The following CSMD1 variants were observed in gnomAD, a reference collection of about 807,000 sequenced individuals.
CSMD1 encodes the protein CUB and sushi domain-containing protein 1.
In CSMD1, 213 loss-of-function variants were observed where a neutral mutation model predicts 417.5. That is an observed-to-expected ratio of 0.51 (90% CI 0.46 to 0.57). The LOEUF (loss-of-function observed/expected upper bound fraction) is 0.57. Among genes scored for constraint, CSMD1 ranks in the 20% least tolerant of loss-of-function variants. The probability of loss-of-function intolerance (pLI) is 0.00; values close to 1 mark genes in which losing one functional copy is unlikely to be tolerated. For synonymous variants in CSMD1, 2,862 were observed against 1,736.8 expected (o/e 1.65, Z -16.11); for missense variants, 6,923 against 4,529.7 (o/e 1.53, Z -15.17).
chr8:4,854,024 A>G (rs1801641796), intron 1 of CSMD1, among the ~76,000 whole-genome samples: 1 of 152,122 alleles, frequency 6.6e-6, no homozygotes, highest in South Asian at 2.1e-4. Context: ...GTATCTTGGA[A>G]GTATGCAACT....
intron 42 of CSMD1, among the ~76,000 whole-genome samples, chr8:3,113,624 T>A (rs1235992006): frequency 1.3e-5 from 2 of 152,204 alleles, no homozygotes; most frequent in Non-Finnish European, 2.9e-5. Flanking sequence ...TCTCTATCAT[T>A]GCCTCAAATA....
intron 1 of CSMD1, among the ~76,000 whole-genome samples, chr8:4,809,916 C>T (rs939897357): frequency 6.6e-6 from 1 of 152,204 alleles, no homozygotes; most frequent in Non-Finnish European, 1.5e-5. Context: ...CGGCCACTTA[C>T]CAAGTATATT....
intron 23 of CSMD1, among the ~76,000 whole-genome samples, chr8:3,321,797 G>C (rs1806171345): frequency 6.6e-6 from 1 of 152,268 alleles, no homozygotes; most frequent in South Asian, 2.1e-4. Context: ...AAATAAGTGA[G>C]CTGATTTTCA....
At chr8:3,833,625 G>C (rs989453013) in intron 5 of CSMD1, among the ~76,000 whole-genome samples, 2 of 151,864 alleles carry the variant, frequency 1.3e-5, no homozygotes, top group African/African-American at 2.4e-5. Flanking sequence ...TAAAACACAT[G>C]GAAGTGTCTC....
In CSMD1 at chr8:4,105,315, C is replaced by G. The variant is rs114014110; in HGVS notation, c.416-73216G>C. Among the ~76,000 whole-genome samples the G allele has an allele frequency of 5.4e-3, 802 of 149,166 alleles. 8 individuals are homozygous for G. Among genetic ancestry groups the G allele is most frequent in the African/African-American group, 0.017 (708 of 40,518 alleles). Reference sequence around the variant, plus strand: ...AACTTCATTTCATTGCTTTAGTGATCTTAATCTTGTAACACTTCTGAATTT... The same window carrying G: ...AACTTCATTTCATTGCTTTAGTGATGTTAATCTTGTAACACTTCTGAATTT... On this transcript the variant is annotated intron_variant, in intron 3 of 69. Coordinates refer to ENST00000635120, the MANE Select transcript of CSMD1 (RefSeq NM_033225.6).
Position 4,353,730 on chromosome 8 carries a change from T to C in CSMD1, c.415+66223A>G, listed in dbSNP as rs138238978. ...TCTTCTTTGTGAACCACAGTTTTTG[T>C]TGGGGTTCATGGAGATTTCTTTTTT... On this transcript the variant is annotated intron_variant, in intron 3 of 69. Transcript: ENST00000635120. Among the ~76,000 whole-genome samples the C allele has an allele frequency of 1.8e-3, 268 of 148,036 alleles. 3 individuals carry two copies. In the Middle Eastern group the frequency reaches 0.024, roughly 13 times the overall value.
At chr8:4,839,962 T>C (rs1260138437) in intron 1 of CSMD1, among the ~76,000 whole-genome samples, 2 of 152,140 alleles carry the variant, frequency 1.3e-5, no homozygotes, top group Non-Finnish European at 2.9e-5. Flanking sequence ...AAGTCTTCAG[T>C]GTTTGCAAGT....
chr8:3,115,514 CT>C (rs1816814963), intron 42 of CSMD1, among the ~76,000 whole-genome samples: 3 of 152,028 alleles, frequency 2.0e-5, no homozygotes, highest in Non-Finnish European at 4.4e-5. Flanking sequence ...AAACCCCCAC[CT>C]TTTTTTAATT....
intron 3 of CSMD1, among the ~76,000 whole-genome samples, chr8:4,367,192 C>G (rs73175759): frequency 0.02 from 3,036 of 152,194 alleles, 49 homozygotes; most frequent in Admixed American, 0.027. Context: ...TGCATTGAAT[C>G]CTTTAATCCA....
intron 3 of CSMD1, among the ~76,000 whole-genome samples, chr8:4,322,227 G>A (rs751413799): frequency 9.9e-5 from 15 of 152,090 alleles, no homozygotes; most frequent in South Asian, 2.1e-4. Context: ...TAATTCACAT[G>A]TAATTTTATT....
At chr8:3,384,720 A>AACAT (rs1563333066) in intron 18 of CSMD1, among the ~76,000 whole-genome samples, 1 of 118,286 alleles carries the variant, frequency 8.5e-6, no homozygotes, top group Non-Finnish European at 1.6e-5. Flanking sequence ...ATATATTTAT[A>AACAT]ATATTTATAT....
intron 2 of CSMD1, among the ~76,000 whole-genome samples, chr8:4,477,056 CTTGCAG>C (rs910420406): frequency 4.6e-5 from 7 of 152,212 alleles, no homozygotes; most frequent in African/African-American, 1.7e-4. Flanking sequence ...GGACCCCAGC[CTTGCAG>C]CTGTGTCAGG....
chr8:3,431,804 G>A (rs553074113), intron 12 of CSMD1, among the ~76,000 whole-genome samples: 3 of 152,200 alleles, frequency 2.0e-5, no homozygotes, highest in African/African-American at 4.8e-5. Context: ...CATAACATTG[G>A]AGAAAACAAA....
chr8:4,112,298 G>T (rs556435300), intron 3 of CSMD1, among the ~76,000 whole-genome samples: 1 of 152,120 alleles, frequency 6.6e-6, no homozygotes, highest in Non-Finnish European at 1.5e-5. Context: ...GCCTGCTCCC[G>T]CACATTTACA....
chr8:4,158,729 C>G (rs566306895), intron 3 of CSMD1, among the ~76,000 whole-genome samples: 21 of 152,158 alleles, frequency 1.4e-4, no homozygotes, highest in Admixed American at 1.1e-3. Context: ...TATCACAACC[C>G]CATGAGAACC....
intron 1 of CSMD1, among the ~76,000 whole-genome samples, chr8:4,912,757 A>T (rs572961486): frequency 6.6e-6 from 1 of 151,440 alleles, no homozygotes; most frequent in South Asian, 2.1e-4. Flanking sequence ...TTGGAGGCCA[A>T]ATGACATAAA....
At chr8:3,922,296 A>C (rs1227562753) in intron 5 of CSMD1, among the ~76,000 whole-genome samples, 1 of 152,068 alleles carries the variant, frequency 6.6e-6, no homozygotes, top group East Asian at 1.9e-4. Context: ...CCTTTTAAAA[A>C]GCATATAGTT....
At chr8:4,098,316 T>C (rs987225831) in intron 3 of CSMD1, among the ~76,000 whole-genome samples, 1 of 152,292 alleles carries the variant, frequency 6.6e-6, no homozygotes, top group African/African-American at 2.4e-5. Flanking sequence ...CTTCATAAAG[T>C]ATCACACTGA....
intron 27 of CSMD1, among the ~76,000 whole-genome samples, chr8:3,226,046 G>C (rs1798482808): frequency 6.6e-6 from 1 of 152,090 alleles, no homozygotes; most frequent in South Asian, 2.1e-4. Context: ...GTTTGAAGCT[G>C]GTCTTTAACG....
Sources: allele counts gnomAD v4.1 joint callset (sites outside exome capture counted in the v4.1 genomes callset), GRCh38; gene constraint gnomAD v4.1.1; transcripts MANE v1.5; gene names NCBI Gene and HGNC (gene_info 2026-07-23, HGNC 2026-07-21).